Variants in AGO4 observed in about 807,000 individuals in gnomAD.
AGO4 encodes the protein protein argonaute-4.
AGO4 carries 33 observed loss-of-function variants against 104.7 expected under a neutral mutation model. That is an observed-to-expected ratio of 0.32 (90% CI 0.24 to 0.42). The LOEUF is 0.42. Ranked by LOEUF, AGO4 falls within the 10% of genes least tolerant of loss-of-function variation. The pLI is 1.00. For missense variants in AGO4, 711 were observed against 1,083.4 expected (o/e 0.66, Z 4.83); for synonymous variants, 331 against 364.7 (o/e 0.91, Z 1.05).
chr1:35,840,977 G>A (rs1420598379), intron 13 of AGO4, among the ~76,000 whole-genome samples, 188 bp from the exon 14 acceptor site: 2 of 152,132 alleles, frequency 1.3e-5, no homozygotes, highest in African/African-American at 4.8e-5. Context: ...CACTTCTTCA[G>A]TCAGTCCAGA....
rs533098597 is a variant in AGO4 at position 35,823,537 on chromosome 1, G to A, written c.306+555G>A. The stretch of plus-strand genomic sequence containing the variant: ...ACTTCCTGGGTTCAAGCGATTCTCC[G>A]GCCTCAGCTTCCCAAGTATCTGGGA... On this transcript the variant is annotated intron_variant, in intron 3 of 17. Coordinates refer to ENST00000373210, the MANE Select transcript of AGO4 (RefSeq NM_017629.4). 1.4e-4 allele frequency among the ~76,000 whole-genome samples: 21 copies of A among 152,148 alleles called. No homozygotes were observed. The South Asian group carries it at 4.1e-3, about 30-fold the overall frequency.
In AGO4 at chr1:35,825,899, A is replaced by AGT. The variant is rs760085963; in HGVS notation, c.626-25_626-24dup. ...GTTTTGGCCCTTCCCTTTTCCCTGA[A>AGT]GTGAAGTATCCTTCTCTGTTTGTTA... On this transcript the variant is annotated intron_variant, in intron 5 of 17. Coordinates refer to ENST00000373210, the MANE Select transcript of AGO4 (RefSeq NM_017629.4). 2.0e-4 allele frequency: 325 copies of AGT among 1,610,004 alleles called. 1 individual carries two copies. The Middle Eastern group carries it at 2.2e-3, about 11-fold the overall frequency.
rs72065876 is a variant in AGO4, at chr1:35,816,798, CAAAAAA to C, written c.20-66_20-61del. Reference sequence around the variant, plus strand: ...TGGGTGAAAGAGCGAAACTCTGTCTCAAAAAAAAAAAAAAAAAAAAAAAGAAAGAAA... The same window carrying C: ...TGGGTGAAAGAGCGAAACTCTGTCTCAAAAAAAAAAAAAAAAAGAAAGAAA... On this transcript the variant is annotated intron_variant, in intron 1 of 17. Coordinates refer to ENST00000373210, the MANE Select transcript of AGO4 (RefSeq NM_017629.4). 6.7e-5 allele frequency: 70 copies of C among 1,040,860 alleles called. No individual in the cohort carries two copies. The Middle Eastern group carries it at 1.5e-3, about 22-fold the overall frequency. The allele number at this position is 1,040,860 out of a possible 1,614,324, so 64.5% of individuals were successfully genotyped here.
chr1:35,839,228 C>T (rs987286122), intron 13 of AGO4, among the ~76,000 whole-genome samples: 1 of 152,088 alleles, frequency 6.6e-6, no homozygotes, highest in Admixed American at 6.6e-5. Context: ...GCAATCCACC[C>T]GCTCAGCCTC....
chr1:35,809,669 C>T (rs189016942), intron 1 of AGO4, among the ~76,000 whole-genome samples: 143 of 152,286 alleles, frequency 9.4e-4, no homozygotes, highest in Non-Finnish European at 1.7e-3. Flanking sequence ...TGGCTAAAGA[C>T]ATGCTCAGGT....
intron 15 of AGO4, among the ~76,000 whole-genome samples, chr1:35,845,735 G>C (rs1402460720): frequency 1.3e-5 from 2 of 152,066 alleles, no homozygotes; most frequent in African/African-American, 4.8e-5. Context: ...AGACATATTT[G>C]CTTAGATTCT....
chr1:35,841,112 C>CA lies in AGO4; in HGVS notation c.1725-50dup. 1 of 1,565,550 alleles carries CA rather than the reference C, an allele frequency of 6.4e-7. No individual in the cohort carries two copies. The highest frequency in any genetic ancestry group is 8.7e-7 in the Non-Finnish European group (1 of 1,146,682). On this transcript the variant is annotated intron_variant, in intron 13 of 17. Transcript: ENST00000373210. This position sits in a 1 kb window ranked among gnomAD's most constrained non-coding sequence, Gnocchi z 4.7. ...TCTGGTGATATAATCTTGCTAAACT[C>CA]AAACATTTTCACTTATATGTCTGAG...
At chr1:35,852,806 AAAG>A (rs1644733103) in intron 17 of AGO4, among the ~76,000 whole-genome samples, 1 of 152,236 alleles carries the variant, frequency 6.6e-6, no homozygotes, top group Admixed American at 6.5e-5. Context: ...CCTTAAAGTC[AAAG>A]AAGATTTCTG....
intron 7 of AGO4, among the ~76,000 whole-genome samples, chr1:35,830,543 A>AT (rs1013145555): frequency 6.6e-6 from 1 of 152,096 alleles, no homozygotes; most frequent in Non-Finnish European, 1.5e-5. Context: ...GTTTTAAGTT[A>AT]TTTTTTTAAA....
chr1:35,838,327 A>T (rs756001871), intron 13 of AGO4, among the ~76,000 whole-genome samples: 1 of 152,124 alleles, frequency 6.6e-6, no homozygotes, highest in African/African-American at 2.4e-5. Flanking sequence ...AAGTGCTGGG[A>T]TTATAGGCAT....
At chr1:35,838,968 GATTTCTT>G (rs1288496148) in intron 13 of AGO4, among the ~76,000 whole-genome samples, 2 of 151,450 alleles carry the variant, frequency 1.3e-5, no homozygotes, top group East Asian at 3.9e-4. Flanking sequence ...TTGATTAGTT[GATTTCTT>G]ATTTCTTATT....
rs934224613 is a variant in AGO4 at position 35,816,751 on chromosome 1, A to T, written c.20-131A>T. On this transcript the variant is annotated intron_variant, in intron 1 of 17. Transcript: ENST00000373210. ...AAGGCAGAGGTTGCAGTGAGCCAAG[A>T]TCAAGCCACTGCACTCCACCCTGGG... The T allele has an allele frequency of 3.9e-6, 4 of 1,018,990 alleles. No individual in the cohort carries two copies. The African/African-American group carries it at 6.7e-5, about 17-fold the overall frequency. The allele number at this position is 1,018,990 out of a possible 1,614,324, so 63.1% of individuals were successfully genotyped here.
Position 35,835,822 on chromosome 1 carries a change from T to C in AGO4, c.1565-12T>C, listed in dbSNP as rs1400482062. On this transcript the variant is annotated splice_polypyrimidine_tract_variant and intron_variant, in intron 12 of 17. Coordinates refer to ENST00000373210, the MANE Select transcript of AGO4 (RefSeq NM_017629.4). Reference sequence around the variant, plus strand: ...ATTTAAACATGTTAAAATTAATAAATTATTTTTGTAGCGGAGGTGAAACGT... The same window carrying C: ...ATTTAAACATGTTAAAATTAATAAACTATTTTTGTAGCGGAGGTGAAACGT... 1 of 1,577,078 alleles carries C rather than the reference T, an allele frequency of 6.3e-7. No homozygotes were observed. Among genetic ancestry groups the C allele is most frequent in the Non-Finnish European group, 8.6e-7 (1 of 1,167,480 alleles).
At position 35,853,563 on chromosome 1, in the gene AGO4, G is replaced by C; in HGVS notation, c.2544G>C (p.Val848=). ...ATCCTCAGGCCTTGGCTAAGGCTGTGCAAATCCACCATGATACCCAGCACA... is the reference window on the plus strand; with the variant it reads ...ATCCTCAGGCCTTGGCTAAGGCTGTCCAAATCCACCATGATACCCAGCACA... ...GRDPQALAKA[V]QIHHDTQHTM... The change falls in exon 18 of 18, where the codon GTG becomes GTC. Residue 848 remains valine (V), a synonymous_variant. Coordinates refer to ENST00000373210, the MANE Select transcript of AGO4 (RefSeq NM_017629.4). 6.2e-7 allele frequency: 1 copy of C among 1,614,026 alleles called. No individual in the cohort carries two copies. The highest frequency in any genetic ancestry group is 2.2e-5 in the East Asian group (1 of 44,878).
chr1:35,830,846 C>T (rs948965320), intron 7 of AGO4, among the ~76,000 whole-genome samples: 5 of 151,834 alleles, frequency 3.3e-5, no homozygotes, highest in African/African-American at 1.2e-4. Context: ...GTGGCGCGCA[C>T]TTGTAATCCC....
chr1:35,834,002 C>T lies in AGO4; in HGVS notation c.1392C>T (p.Asp464=). ...CREDLLKSFT[D]QLRKISKDAG... Reference sequence around the variant, plus strand: ...TCTATTTTAACAGGAGTTTCACTGACCAGCTGCGTAAAATCTCTAAGGATG... The same window carrying T: ...TCTATTTTAACAGGAGTTTCACTGATCAGCTGCGTAAAATCTCTAAGGATG... Residue 464 remains aspartate (D), a synonymous_variant, in exon 12 of 18, where the codon GAC becomes GAT. Coordinates refer to ENST00000373210, the MANE Select transcript of AGO4 (RefSeq NM_017629.4). The T allele has an allele frequency of 1.3e-6, 2 of 1,569,146 alleles. No homozygotes were observed. The highest frequency in any genetic ancestry group is 1.7e-6 in the Non-Finnish European group (2 of 1,156,730).
intron 13 of AGO4, among the ~76,000 whole-genome samples, chr1:35,838,801 G>A (rs1156967069): frequency 1.3e-5 from 2 of 152,178 alleles, no homozygotes; most frequent in East Asian, 3.9e-4. Flanking sequence ...TTGTTTTTCT[G>A]TGAAATACTA....
At chr1:35,842,583 C>T (rs1421239174) in intron 15 of AGO4, among the ~76,000 whole-genome samples, 2 of 152,160 alleles carry the variant, frequency 1.3e-5, no homozygotes, top group Non-Finnish European at 2.9e-5. Flanking sequence ...CGGGCGATCA[C>T]TTGAGGTCAG....
At chr1:35,839,334 G>A (rs1207594480) in intron 13 of AGO4, among the ~76,000 whole-genome samples, 1 of 152,144 alleles carries the variant, frequency 6.6e-6, no homozygotes, top group African/African-American at 2.4e-5. Flanking sequence ...CATAGGGGAA[G>A]TTAACCTAAA....
Sources: allele counts gnomAD v4.1 joint callset (sites outside exome capture counted in the v4.1 genomes callset), GRCh38; gene constraint gnomAD v4.1.1; non-coding constraint Gnocchi (gnomAD v3.1); transcripts MANE v1.5; gene names NCBI Gene and HGNC (gene_info 2026-07-23, HGNC 2026-07-21).